LOC112694756: variants seen among roughly 807,000 people sequenced by gnomAD.
the LOC112694756 span, among the ~76,000 whole-genome samples, chr16:30,063,121 A>G: frequency 6.6e-6 from 1 of 151,900 alleles, no homozygotes; most frequent in Non-Finnish European, 1.5e-5. Context: ...ACCCTGGGCA[A>G]CAGAGTGAGA....
chr16:30,064,486 G>A, the LOC112694756 span: 4 of 398,640 alleles, frequency 1.0e-5, no homozygotes, highest in African/African-American at 6.2e-5. Flanking sequence ...TTCCAAGGAA[G>A]AATTTCCTCT....
the LOC112694756 span, chr16:30,067,493 C>A: frequency 6.8e-6 from 11 of 1,613,596 alleles, no homozygotes; most frequent in Non-Finnish European, 9.3e-6. Context: ...CCGAGAACAC[C>A]GAGGAGAACC....
the LOC112694756 span, chr16:30,059,043 A>G: frequency 1.8e-5 from 7 of 398,412 alleles, no homozygotes; most frequent in East Asian, 3.6e-5. Context: ...CCTGCATGCG[A>G]TCAGAAGCAG....
At chr16:30,069,699 C>T in the LOC112694756 span, 2 of 1,612,928 alleles carry the variant, frequency 1.2e-6, no homozygotes, top group Middle Eastern at 3.3e-4. Flanking sequence ...ATCTTGATCT[C>T]TATGCAGTAG....
the LOC112694756 span, among the ~76,000 whole-genome samples, chr16:30,060,763 A>G: frequency 6.6e-6 from 1 of 152,034 alleles, no homozygotes; most frequent in South Asian, 2.1e-4. Flanking sequence ...GACACCCCAA[A>G]TCACACCCTC....
At chr16:30,064,123 G>T in the LOC112694756 span, 2 of 399,126 alleles carry the variant, frequency 5.0e-6, no homozygotes, top group East Asian at 7.1e-5. Context: ...TCTATTTGAA[G>T]TTGGGCAGGG....
the LOC112694756 span, chr16:30,069,474 C>G: frequency 6.2e-7 from 1 of 1,614,106 alleles, no homozygotes; most frequent in Non-Finnish European, 8.5e-7. Flanking sequence ...ACCCCACTAC[C>G]CACCGTGCGC....
the LOC112694756 span, chr16:30,054,951 A>C: frequency 5.0e-6 from 2 of 398,838 alleles, no homozygotes; most frequent in Non-Finnish European, 8.8e-6. Context: ...TCGGGGATAA[A>C]GGGTGGGCTC....
chr16:30,065,461 T>C, the LOC112694756 span, among the ~76,000 whole-genome samples: 2 of 152,130 alleles, frequency 1.3e-5, no homozygotes, highest in African/African-American at 4.8e-5. Context: ...CCCTCCCCCA[T>C]TGCCAACATT....
chr16:30,061,904 G>A, the LOC112694756 span, among the ~76,000 whole-genome samples: 1 of 150,596 alleles, frequency 6.6e-6, no homozygotes, highest in South Asian at 2.2e-4. Flanking sequence ...CAGGATTCTG[G>A]TAATTAAAAA....
At chr16:30,067,946 T>G in the LOC112694756 span, 1 of 508,130 alleles carries the variant, frequency 2.0e-6, no homozygotes, top group South Asian at 2.1e-5. Context: ...AACATTTCTG[T>G]TGTCAAATAA....
At chr16:30,069,252 A>AG in the LOC112694756 span, 3 of 1,573,150 alleles carry the variant, frequency 1.9e-6, no homozygotes, top group Non-Finnish European at 2.6e-6. Context: ...GGAGAGATGT[A>AG]GGTGGGACTC....
chr16:30,068,515 A>C, the LOC112694756 span: 3 of 1,028,668 alleles, frequency 2.9e-6, no homozygotes, highest in Non-Finnish European at 4.5e-6. Flanking sequence ...AGGCGGGAGG[A>C]TCACTTGAGT....
chr16:30,067,532 A>G, the LOC112694756 span: 2 of 1,613,776 alleles, frequency 1.2e-6, no homozygotes, highest in Middle Eastern at 1.7e-4. Flanking sequence ...TGCTGCTGAC[A>G]GCTGACGACC....
At chr16:30,069,706 G>A in the LOC112694756 span, 2 of 1,612,610 alleles carry the variant, frequency 1.2e-6, no homozygotes, top group Non-Finnish European at 1.7e-6. Context: ...TCTCTATGCA[G>A]TAGATAAGCT....
At chr16:30,063,711 C>T in the LOC112694756 span, 3 of 399,276 alleles carry the variant, frequency 7.5e-6, no homozygotes, top group Admixed American at 1.3e-4. Context: ...TCCCTCAACC[C>T]TCTCTCTCCT....
the LOC112694756 span, among the ~76,000 whole-genome samples, chr16:30,065,145 G>A: frequency 6.6e-6 from 1 of 152,234 alleles, no homozygotes; most frequent in Non-Finnish European, 1.5e-5. Flanking sequence ...GGATGGGGAG[G>A]TCTCGCCTCC....
chr16:30,069,198 T>A, the LOC112694756 span: 9 of 1,407,804 alleles, frequency 6.4e-6, no homozygotes, highest in Non-Finnish European at 9.0e-6. Flanking sequence ...CTTTGAAGCC[T>A]GAGTCCCTGG....
At chr16:30,067,464 C>T in the LOC112694756 span, 5 of 1,613,180 alleles carry the variant, frequency 3.1e-6, no homozygotes, top group Middle Eastern at 1.7e-4. Flanking sequence ...CATTGCCAAG[C>T]GGCTGCAGTC....
Sources: gnomAD v4.1 joint callset for allele counts (sites outside exome capture counted in the v4.1 genomes callset) on GRCh38, gnomAD v4.1.1 for gene constraint, MANE v1.5 for transcripts.